EIF2S2: variants seen among roughly 807,000 people sequenced by gnomAD.
EIF2S2 encodes the protein eukaryotic translation initiation factor 2 subunit 2.
EIF2S2 carries 4 observed loss-of-function variants against 44.0 expected under a neutral mutation model. That is an observed-to-expected ratio of 0.09 (90% CI 0.04 to 0.21). The LOEUF (loss-of-function observed/expected upper bound fraction) is 0.21, where lower values mean the gene tolerates loss of function less well. Among genes scored for constraint, EIF2S2 ranks in the 10% least tolerant of loss-of-function variants. The pLI is 1.00. For missense variants in EIF2S2, 154 were observed against 392.0 expected, an observed-to-expected ratio of 0.39 and a Z score of 5.13; for synonymous variants, 108 against 128.3, an observed-to-expected ratio of 0.84 and a Z score of 1.07.
chr20:34,105,242 C>G, intron 2 of EIF2S2, 126 bp downstream of exon 2: 1 of 953,340 alleles, frequency 1.0e-6, no homozygotes, highest in South Asian at 1.7e-5. Flanking sequence ...ATACAGACTA[C>G]TGATGGCCTT....
chr20:34,090,636 T>C lies in EIF2S2; in HGVS notation c.741-34A>G, dbSNP rs772642139. On this transcript the variant is annotated intron_variant, in intron 7 of 8. Coordinates refer to ENST00000374980, the MANE Select transcript of EIF2S2 (RefSeq NM_003908.5). ...GAAAACAAAAATATCTCCATTATTA[T>C]TGTTTTTTCCTAAAGGAACCAAATT... is the stretch of plus-strand genomic sequence containing the variant. 8 of 1,357,466 alleles carry C rather than the reference T, an allele frequency of 5.9e-6. No individual in the cohort carries two copies. In the African/African-American group the frequency reaches 7.4e-5, roughly 13 times the overall value. The allele number at this position is 1,357,466 out of a possible 1,614,324, so 84.1% of individuals were successfully genotyped here. A position where few individuals can be genotyped will look rare whatever the true frequency, so the allele number is the denominator to read the frequency against.
chr20:34,111,673 G>A (rs1286304503), intron 1 of EIF2S2, among the ~76,000 whole-genome samples: 2 of 152,250 alleles, frequency 1.3e-5, no homozygotes, highest in Non-Finnish European at 2.9e-5. Context: ...TAACGAGGGC[G>A]TTATACCAAG....
chr20:34,101,977 C>CA (rs1250840988), intron 3 of EIF2S2, among the ~76,000 whole-genome samples: 1 of 152,048 alleles, frequency 6.6e-6, no homozygotes, highest in East Asian at 1.9e-4. Flanking sequence ...GTCCAGTCTG[C>CA]AAAAAGCATT....
intron 3 of EIF2S2, 140 bp downstream of exon 3, chr20:34,103,322 G>C: frequency 1.7e-6 from 2 of 1,186,226 alleles, no homozygotes; most frequent in Non-Finnish European, 2.3e-6. Context: ...ACACTCCCAA[G>C]AAAATGACGC....
intron 3 of EIF2S2, among the ~76,000 whole-genome samples, chr20:34,101,118 T>C (rs537579495): frequency 9.7e-4 from 147 of 152,264 alleles, no homozygotes; most frequent in Non-Finnish European, 1.8e-3. Context: ...CCAAATCCAG[T>C]TGTGTAGTCT....
intron 5 of EIF2S2, 128 bp downstream of exon 5, chr20:34,097,288 G>A (rs1423245381): frequency 1.2e-5 from 9 of 781,154 alleles, no homozygotes; most frequent in South Asian, 1.8e-5. Context: ...TGCACTGGCT[G>A]TGTGACCTCT....
chr20:34,103,767 C>T (rs2034319842), intron 2 of EIF2S2, among the ~76,000 whole-genome samples: 1 of 151,062 alleles, frequency 6.6e-6, no homozygotes, highest in Non-Finnish European at 1.5e-5. Flanking sequence ...AGGGCAGTGG[C>T]GCAATCTCAG....
Position 34,098,604 on chromosome 20 carries a change from T to C in EIF2S2, c.327A>G (p.Glu109=), listed in dbSNP as rs1298316070. ...CAAGGTCATCCTCTGGTTCAGTTGG[T>C]TCTTGAACATCACTTTCAATCTTAA... The part of the protein sequence containing the change: ...KDLKIESDVQ[E]PTEPEDDLDI... The change falls in exon 4 of 9, where the codon GAA becomes GAG. Residue 109 remains glutamate (E), a synonymous_variant. Transcript: ENST00000374980. 1.2e-6 allele frequency: 2 copies of C among 1,613,842 alleles called. No individual in the cohort carries two copies. The highest frequency in any genetic ancestry group is 1.7e-6 in the Non-Finnish European group (2 of 1,180,014).
rs1465403567 is a variant in EIF2S2 at position 34,089,119 on chromosome 20, G to A, written c.*611C>T. 6.5e-6 allele frequency: 1 copy of A among 152,744 alleles called. No individual in the cohort carries two copies. Among genetic ancestry groups the A allele is most frequent in the African/African-American group, 2.4e-5 (1 of 41,428 alleles). The allele number at this position is 152,744 out of a possible 1,614,324, so 9.5% of individuals were successfully genotyped here. The stretch of plus-strand genomic sequence containing the variant: ...CCTCATGTGGTAACAGCTGGGGGAG[G>A]ACTTGGCGGTGAGGTAGTAGCAACC... On this transcript the variant is annotated 3_prime_UTR_variant, in exon 9 of 9. Coordinates refer to ENST00000374980, the MANE Select transcript of EIF2S2 (RefSeq NM_003908.5).
At chr20:34,111,848 G>C (rs1214736969) in intron 1 of EIF2S2, among the ~76,000 whole-genome samples, 2 of 152,230 alleles carry the variant, frequency 1.3e-5, no homozygotes, top group African/African-American at 4.8e-5. Flanking sequence ...CTCAACGTGT[G>C]CTCTCCATTC....
chr20:34,097,383 C>T (rs753972706), intron 5 of EIF2S2, 33 bp downstream of exon 5: 2 of 1,553,750 alleles, frequency 1.3e-6, no homozygotes, highest in South Asian at 2.2e-5. Flanking sequence ...TAGTGAATAG[C>T]TTAGCCCCTT....
rs772194860 is a variant in EIF2S2, at chr20:34,105,498, C to T, written c.63G>A (p.Lys21=). 3 of 1,608,800 alleles carry T rather than the reference C, an allele frequency of 1.9e-6. No individual in the cohort carries two copies. The South Asian group carries it at 3.3e-5, about 18-fold the overall frequency. The change falls in exon 2 of 9, where the codon AAG becomes AAA. Residue 21 remains lysine, a synonymous_variant. Transcript: ENST00000374980. ...TMSKKKKKKK[K]PFMLDEEGDT... ...CCCCTTCCTCATCTAACATAAAAGG[C>T]TTCTTCTTCTTCTTTTTCTTCTTGC... is the stretch of plus-strand genomic sequence containing the variant.
At chr20:34,098,044 G>C (rs1246318684) in intron 4 of EIF2S2, among the ~76,000 whole-genome samples, 1 of 152,088 alleles carries the variant, frequency 6.6e-6, no homozygotes, top group African/African-American at 2.4e-5. Flanking sequence ...TTGGGAGTTC[G>C]AGACCTGCCT....
At position 34,112,105 on chromosome 20, in the gene EIF2S2, A is replaced by G; in HGVS notation, c.6T>C (p.Ser2=). Residue 2 remains serine (S), a synonymous_variant, in exon 1 of 9, where the codon TCT becomes TCC. Coordinates refer to ENST00000374980, the MANE Select transcript of EIF2S2 (RefSeq NM_003908.5). ...GGGCTCAGATCCTCACCTCGTCCCCAGACATGGCTGCGGCTCGAGTGGGCT... is the reference window on the plus strand; with the variant it reads ...GGGCTCAGATCCTCACCTCGTCCCCGGACATGGCTGCGGCTCGAGTGGGCT... M[S]GDEMIFDPTM... 1 of 1,566,650 alleles carries G rather than the reference A, an allele frequency of 6.4e-7. No homozygotes were observed.
In EIF2S2 at chr20:34,096,600, TA is replaced by T; in HGVS notation, c.683+56del. 3.3e-6 allele frequency: 5 copies of T among 1,511,606 alleles called. No individual in the cohort carries two copies. In the South Asian group the frequency reaches 6.5e-5, roughly 20 times the overall value. 93.6% of individuals were successfully genotyped at this position (1,511,606 alleles called of 1,614,324 possible). On this transcript the variant is annotated intron_variant, in intron 6 of 8. Coordinates refer to ENST00000374980, the MANE Select transcript of EIF2S2 (RefSeq NM_003908.5). ...CGACAATAAGGACATTTAACATTCT[TA>T]AAACTGCAATGAGAATCTGGCATTT...
intron 1 of EIF2S2, among the ~76,000 whole-genome samples, chr20:34,110,679 C>T (rs1055077529): frequency 6.6e-6 from 1 of 152,196 alleles, no homozygotes; most frequent in Admixed American, 6.5e-5. Flanking sequence ...GTTGATGGTC[C>T]TATTTCTACC....
chr20:34,107,102 T>A (rs909468772), intron 1 of EIF2S2, among the ~76,000 whole-genome samples: 2 of 151,734 alleles, frequency 1.3e-5, no homozygotes, highest in Non-Finnish European at 1.5e-5. Flanking sequence ...GGTGTGAACA[T>A]GGGCAGTGGA....
chr20:34,110,507 G>A (rs17091531), intron 1 of EIF2S2, among the ~76,000 whole-genome samples: 13,883 of 152,182 alleles, frequency 0.091, 2,093 homozygotes, highest in African/African-American at 0.31. Context: ...GCACCCCTAA[G>A]TGGCCAAACT....
intron 4 of EIF2S2, among the ~76,000 whole-genome samples, chr20:34,098,161 G>T (rs148072834): frequency 6.6e-6 from 1 of 151,768 alleles, no homozygotes; most frequent in African/African-American, 2.4e-5. Context: ...CGGGAGAATC[G>T]CTTGAACCCG....
Sources: allele counts gnomAD v4.1 joint callset (sites outside exome capture counted in the v4.1 genomes callset), GRCh38; gene constraint gnomAD v4.1.1; transcripts MANE v1.5; gene names NCBI Gene and HGNC (gene_info 2026-07-23, HGNC 2026-07-21).